The following SPAG16 variants were observed in gnomAD, a reference collection of about 807,000 sequenced individuals.
The protein encoded by SPAG16 is sperm associated antigen 16, also known as sperm-associated antigen 16 protein.
A neutral mutation model predicts 80.4 loss-of-function variants in SPAG16; 86 were observed. The observed-to-expected ratio is 1.07, with a 90% CI of 0.90 to 1.28. The LOEUF (loss-of-function observed/expected upper bound fraction) is 1.28. SPAG16 is among the 50% of genes most tolerant of loss of function. The pLI is 0.00. For missense variants in SPAG16, 870 were observed against 765.3 expected (o/e 1.14, Z -1.61); for synonymous variants, 294 against 265.9 (o/e 1.11, Z -1.03).
intron 10 of SPAG16, among the ~76,000 whole-genome samples, chr2:213,806,168 T>TAAAACA (rs974057812): frequency 9.9e-5 from 15 of 152,272 alleles, no homozygotes; most frequent in Admixed American, 3.9e-4. Context: ...ATCATCCCAC[T>TAAAACA]AAAACAAAAA....
intron 10 of SPAG16, among the ~76,000 whole-genome samples, chr2:213,847,587 A>T (rs2125773683): frequency 6.6e-6 from 1 of 152,304 alleles, no homozygotes; most frequent in African/African-American, 2.4e-5. Context: ...TAGCTCCGTG[A>T]TCCAAACACC....
chr2:214,089,002 C>T (rs1421977228), intron 13 of SPAG16, among the ~76,000 whole-genome samples: 1 of 152,016 alleles, frequency 6.6e-6, no homozygotes, highest in Non-Finnish European at 1.5e-5. Context: ...ATTGAAATAA[C>T]ATCAGAATCA....
chr2:213,323,390 G>A (rs1249033588), intron 5 of SPAG16, among the ~76,000 whole-genome samples: 1 of 152,004 alleles, frequency 6.6e-6, no homozygotes, highest in Non-Finnish European at 1.5e-5. Context: ...GCAGTGAGCC[G>A]AGATCATGCC....
chr2:213,551,055 G>A (rs994941918), intron 10 of SPAG16, among the ~76,000 whole-genome samples: 3 of 151,974 alleles, frequency 2.0e-5, no homozygotes, highest in Non-Finnish European at 4.4e-5. Flanking sequence ...AACCGTAATA[G>A]TCAGAGATTT....
Position 213,523,938 on chromosome 2 carries a change from C to G in SPAG16, c.1070+33848C>G, listed in dbSNP as rs563395042. Among the ~76,000 whole-genome samples the G allele has an allele frequency of 2.6e-5, 4 of 152,296 alleles. No individual in the cohort carries two copies. In the East Asian group the frequency reaches 7.7e-4, roughly 29 times the overall value. ...GCAATAGAAAAGAAAACCCCATTTT[C>G]TGGGGAGAAATTTGCATAAGTAGCA... is the stretch of plus-strand genomic sequence containing the variant. On this transcript the variant is annotated intron_variant, in intron 10 of 15. Transcript: ENST00000331683.
At chr2:213,771,135 T>C (rs187898572) in intron 10 of SPAG16, among the ~76,000 whole-genome samples, 1 of 152,306 alleles carries the variant, frequency 6.6e-6, no homozygotes, top group East Asian at 1.9e-4. Flanking sequence ...TGTTTTTGAC[T>C]TTTTAATTAT....
intron 15 of SPAG16, among the ~76,000 whole-genome samples, chr2:214,362,398 T>C (rs1699239500): frequency 6.6e-6 from 1 of 151,926 alleles, no homozygotes; most frequent in South Asian, 2.1e-4. Context: ...TTTAAAACAA[T>C]AATGCTTTCT....
At chr2:213,849,371 G>A (rs2074791062) in intron 10 of SPAG16, among the ~76,000 whole-genome samples, 1 of 152,038 alleles carries the variant, frequency 6.6e-6, no homozygotes, top group South Asian at 2.1e-4. Flanking sequence ...CACCAAACTG[G>A]GGATAAAATT....
At chr2:213,574,623 A>G (rs28417140) in intron 10 of SPAG16, among the ~76,000 whole-genome samples, 1,970 of 148,188 alleles carry the variant, frequency 0.013, 42 homozygotes, top group African/African-American at 0.046. Flanking sequence ...CTGTAGTTGT[A>G]ACTCCTTACG....
intron 10 of SPAG16, among the ~76,000 whole-genome samples, chr2:213,526,202 A>G (rs919257976): frequency 1.3e-5 from 2 of 152,056 alleles, no homozygotes; most frequent in Admixed American, 6.6e-5. Flanking sequence ...CAGTCTCCCA[A>G]TTTGTAATTA....
chr2:213,789,726 C>T (rs2070571240), intron 10 of SPAG16, among the ~76,000 whole-genome samples: 1 of 151,880 alleles, frequency 6.6e-6, no homozygotes, highest in South Asian at 2.1e-4. Context: ...TCCGTAAGCT[C>T]TATGATGCTA....
chr2:213,291,085 A>G (rs555819707), intron 1 of SPAG16, among the ~76,000 whole-genome samples: 41 of 152,084 alleles, frequency 2.7e-4, no homozygotes, highest in African/African-American at 8.4e-4. Context: ...GTCCCTTTTT[A>G]CCCTGGTTAC....
intron 10 of SPAG16, among the ~76,000 whole-genome samples, chr2:213,784,880 TATTAAG>T (rs1431060198): frequency 6.6e-6 from 1 of 152,090 alleles, no homozygotes; most frequent in Non-Finnish European, 1.5e-5. Flanking sequence ...TATCCACATG[TATTAAG>T]ATTATTTGTA....
At chr2:214,394,143 C>T (rs1253098343) in intron 15 of SPAG16, among the ~76,000 whole-genome samples, 1 of 152,102 alleles carries the variant, frequency 6.6e-6, no homozygotes, top group African/African-American at 2.4e-5. Context: ...ATAGGCATCT[C>T]TCTTTGTCTC....
chr2:213,820,291 G>C (rs1210610001), intron 10 of SPAG16, among the ~76,000 whole-genome samples: 1 of 152,090 alleles, frequency 6.6e-6, no homozygotes, highest in East Asian at 1.9e-4. Context: ...CCCATAAATA[G>C]ATATCAATGC....
chr2:214,245,455 G>A (rs1052048483), intron 15 of SPAG16, among the ~76,000 whole-genome samples: 1 of 151,992 alleles, frequency 6.6e-6, no homozygotes, highest in African/African-American at 2.4e-5. Flanking sequence ...TTTAAAAAAG[G>A]TATTAAAGAA....
chr2:213,777,237 ATTTTTTTTTTTTTTTT>A (rs59548915), intron 10 of SPAG16, among the ~76,000 whole-genome samples: 2 of 82,702 alleles, frequency 2.4e-5, no homozygotes. Flanking sequence ...GTTTGTAGGA[ATTTTTTTTTTTTTTTT>A]TTTTTTTTTT....
chr2:213,811,997 A>G (rs1453635878), intron 10 of SPAG16, among the ~76,000 whole-genome samples: 1 of 152,164 alleles, frequency 6.6e-6, no homozygotes, highest in Non-Finnish European at 1.5e-5. Context: ...GAAATCTTCA[A>G]CAAGAGCTAA....
At chr2:214,103,509 A>T (rs375797016) in intron 13 of SPAG16, among the ~76,000 whole-genome samples, 1 of 152,210 alleles carries the variant, frequency 6.6e-6, no homozygotes, top group Non-Finnish European at 1.5e-5. Context: ...TAGATCTCAG[A>T]CAGCATGAAA....
Sources: allele counts gnomAD v4.1 joint callset (sites outside exome capture counted in the v4.1 genomes callset), GRCh38; gene constraint gnomAD v4.1.1; transcripts MANE v1.5; gene names NCBI Gene and HGNC (gene_info 2026-07-23, HGNC 2026-07-21).